The following CCDC30 variants were observed in gnomAD, a reference collection of about 807,000 sequenced individuals.
CCDC30 encodes coiled-coil domain containing 30.
CCDC30 carries 70 observed loss-of-function variants against 100.2 expected under a neutral mutation model. The ratio of observed to expected loss-of-function variants is 0.70; its 90% confidence interval spans 0.58 to 0.85. The LOEUF (loss-of-function observed/expected upper bound fraction) is 0.85, where lower values mean the gene tolerates loss of function less well. Ranked by LOEUF, CCDC30 falls within the 40% of genes least tolerant of loss-of-function variation. CCDC30 has a pLI of 0.00. For synonymous variants in CCDC30, 233 were observed against 269.5 expected, an observed-to-expected ratio of 0.86 and a Z score of 1.33; for missense variants, 652 against 771.2, an observed-to-expected ratio of 0.85 and a Z score of 1.83.
chr1:42,579,498 G>A (rs1348992195), intron 8 of CCDC30, among the ~76,000 whole-genome samples: 1 of 151,712 alleles, frequency 6.6e-6, no homozygotes, highest in African/African-American at 2.4e-5. Flanking sequence ...GCCAGGTGTG[G>A]TGGCACGTGC....
At position 42,642,612 on chromosome 1, in the gene CCDC30, A is replaced by G. The variant is rs1461686425; in HGVS notation, c.1556+3A>G. 11 of 1,575,282 alleles carry G rather than the reference A, an allele frequency of 7.0e-6. No individual in the cohort carries two copies. In the East Asian group the frequency reaches 1.9e-4, roughly 27 times the overall value. On this transcript the variant is annotated splice_donor_region_variant and intron_variant, in intron 13 of 16. Transcript: ENST00000668663. ...ACGATATCTTCCATCCAGAGCAGGTAGGTGCCATCCTGCCTGGGAGCCAAT... is the reference window on the plus strand; with the variant it reads ...ACGATATCTTCCATCCAGAGCAGGTGGGTGCCATCCTGCCTGGGAGCCAAT...
intron 6 of CCDC30, among the ~76,000 whole-genome samples, chr1:42,530,919 A>C (rs1644795660): frequency 6.6e-6 from 1 of 152,150 alleles, no homozygotes; most frequent in Non-Finnish European, 1.5e-5. Flanking sequence ...AGGTTTTGGA[A>C]CATATCTTCC....
intron 10 of CCDC30, among the ~76,000 whole-genome samples, chr1:42,598,419 G>A (rs542084228): frequency 2.0e-4 from 30 of 151,776 alleles, no homozygotes; most frequent in African/African-American, 7.3e-5. Context: ...TGGGGGTGGC[G>A]GTGGGGGTGG....
intron 1 of CCDC30, among the ~76,000 whole-genome samples, chr1:42,470,573 A>G (rs574145050): frequency 6.6e-6 from 1 of 152,370 alleles, no homozygotes; most frequent in South Asian, 2.1e-4. Flanking sequence ...GTCCATCAAC[A>G]GGTGAATGTA....
At chr1:42,486,669 G>T (rs1047460365) in intron 3 of CCDC30, among the ~76,000 whole-genome samples, 34 of 152,148 alleles carry the variant, frequency 2.2e-4, no homozygotes, top group African/African-American at 8.2e-4. Context: ...TTTGCCCTAT[G>T]CATCCTTTCC....
At chr1:42,651,521 C>T (rs1240181925) in intron 15 of CCDC30, among the ~76,000 whole-genome samples, 1 of 151,004 alleles carries the variant, frequency 6.6e-6, no homozygotes, top group African/African-American at 2.4e-5. Flanking sequence ...ACATTAAAAC[C>T]ACAATGGGAT....
At chr1:42,591,373 C>G (rs970775078) in intron 10 of CCDC30, 1 of 152,464 alleles carries the variant, frequency 6.6e-6, no homozygotes, top group Non-Finnish European at 1.5e-5. Flanking sequence ...CAGGACACTG[C>G]TCCCTGAATC....
intron 6 of CCDC30, among the ~76,000 whole-genome samples, chr1:42,548,153 G>A (rs945884792): frequency 5.3e-5 from 8 of 152,160 alleles, no homozygotes; most frequent in Non-Finnish European, 1.0e-4. Context: ...AGAATGAAGA[G>A]GCAGGCAGAG....
chr1:42,473,222 C>A (rs1643825838), intron 1 of CCDC30: 1 of 1,231,348 alleles, frequency 8.1e-7, no homozygotes, highest in Non-Finnish European at 1.0e-6. Flanking sequence ...CTTATTCCAG[C>A]CAGCACAGTG....
intron 12 of CCDC30, 134 bp downstream of exon 16, chr1:42,637,512 C>T (rs1647183896): frequency 1.3e-6 from 1 of 791,822 alleles, no homozygotes. Context: ...TTTGCACCAT[C>T]TTTCAATAAG....
downstream of CCDC30, among the ~76,000 whole-genome samples, chr1:42,655,150 G>A (rs16829834): frequency 0.014 from 2,175 of 152,072 alleles, 61 homozygotes; most frequent in African/African-American, 0.05. Flanking sequence ...ATTTTCAATC[G>A]CCATATGATA....
chr1:42,633,926 G>A (rs1464958654), intron 11 of CCDC30, among the ~76,000 whole-genome samples: 1 of 152,042 alleles, frequency 6.6e-6, no homozygotes, highest in South Asian at 2.1e-4. Context: ...AAGCAAACAC[G>A]TCCTTCACAT....
At chr1:42,652,948 TAGAC>T (rs1408093389) in intron 15 of CCDC30, among the ~76,000 whole-genome samples, 4 of 152,086 alleles carry the variant, frequency 2.6e-5, no homozygotes, top group Non-Finnish European at 5.9e-5. Flanking sequence ...ATTCTGGAAT[TAGAC>T]AGTGGTGATG....
chr1:42,582,709 C>A (rs543820374), intron 9 of CCDC30, among the ~76,000 whole-genome samples: 1 of 152,330 alleles, frequency 6.6e-6, no homozygotes, highest in Admixed American at 6.5e-5. Context: ...ATGACCTCTG[C>A]TCTTGACTGG....
intron 6 of CCDC30, among the ~76,000 whole-genome samples, chr1:42,535,423 A>G (rs1399703864): frequency 6.6e-6 from 1 of 151,760 alleles, no homozygotes; most frequent in Admixed American, 6.6e-5. Flanking sequence ...GTTGGAAACC[A>G]GTAGAACAGG....
chr1:42,480,963 T>C (rs1162333319), intron 2 of CCDC30, among the ~76,000 whole-genome samples: 1 of 149,092 alleles, frequency 6.7e-6, no homozygotes, highest in Non-Finnish European at 1.5e-5. Context: ...CTATGAAAAA[T>C]AAAAAAAAAT....
chr1:42,500,399 T>G, intron 6 of CCDC30: 5 of 1,038,156 alleles, frequency 4.8e-6, no homozygotes, highest in Non-Finnish European at 5.9e-6. Context: ...GTCTGCGCAG[T>G]GGCCACCACC....
chr1:42,644,526 C>T (rs2148689403), intron 13 of CCDC30, among the ~76,000 whole-genome samples, 167 bp from the exon 18 acceptor site: 1 of 152,302 alleles, frequency 6.6e-6, no homozygotes, highest in Middle Eastern at 3.4e-3. Flanking sequence ...CAGTATTAAA[C>T]AACACACTTG....
chr1:42,501,072 A>G (rs1259397942), intron 6 of CCDC30, among the ~76,000 whole-genome samples: 1 of 152,220 alleles, frequency 6.6e-6, no homozygotes, highest in Non-Finnish European at 1.5e-5. Flanking sequence ...GTGATAGGAC[A>G]CAAAAAGCCT....
Sources: allele counts gnomAD v4.1 joint callset (sites outside exome capture counted in the v4.1 genomes callset), GRCh38; gene constraint gnomAD v4.1.1; transcripts MANE v1.5; gene names NCBI Gene and HGNC (gene_info 2026-07-23, HGNC 2026-07-21).